Variants in MYRIP observed in about 807,000 individuals in gnomAD.
The protein encoded by MYRIP is rab effector MyRIP.
A neutral mutation model predicts 98.0 loss-of-function variants in MYRIP; 49 were observed. That is an observed-to-expected ratio of 0.50 (90% CI 0.40 to 0.63). The LOEUF (loss-of-function observed/expected upper bound fraction) is 0.63. MYRIP is among the 30% of genes least tolerant of loss of function. MYRIP has a pLI of 0.00. For missense variants in MYRIP, 1,004 were observed against 1,058.2 expected, an observed-to-expected ratio of 0.95 and a Z score of 0.71; for synonymous variants, 404 against 409.5, an observed-to-expected ratio of 0.99 and a Z score of 0.16.
chr3:39,810,062 G>A (rs1304003705), intron 1 of MYRIP, 146 bp downstream of exon 1: 1 of 152,424 alleles, frequency 6.6e-6, no homozygotes, highest in Non-Finnish European at 1.5e-5. Flanking sequence ...CCGGAGCCAG[G>A]AACCCTAGGC....
chr3:39,997,712 C>A (rs1315062988), intron 2 of MYRIP, among the ~76,000 whole-genome samples: 2 of 151,974 alleles, frequency 1.3e-5, no homozygotes, highest in Non-Finnish European at 2.9e-5. Flanking sequence ...GATACCAAAG[C>A]CTGGCAGAGA....
At chr3:40,205,875 A>G (rs1218481556) in intron 10 of MYRIP, among the ~76,000 whole-genome samples, 1 of 152,034 alleles carries the variant, frequency 6.6e-6, no homozygotes, top group East Asian at 1.9e-4. Context: ...GGCTTTAAAC[A>G]CAAACCTCCT....
At chr3:39,997,589 G>C (rs534478775) in intron 2 of MYRIP, among the ~76,000 whole-genome samples, 1 of 151,736 alleles carries the variant, frequency 6.6e-6, no homozygotes, top group Non-Finnish European at 1.5e-5. Context: ...ATTCACAGCC[G>C]AATTCTACCA....
chr3:39,970,982 A>G (rs1324772766), intron 2 of MYRIP, among the ~76,000 whole-genome samples: 1 of 152,158 alleles, frequency 6.6e-6, no homozygotes, highest in Non-Finnish European at 1.5e-5. Context: ...TATTTCATAC[A>G]TACGTGGGAG....
intron 4 of MYRIP, among the ~76,000 whole-genome samples, chr3:40,157,728 G>C (rs1220558618): frequency 4.6e-5 from 7 of 150,936 alleles, no homozygotes; most frequent in African/African-American, 1.2e-4. Context: ...TCTTGGGAGA[G>C]TGTATTTGTC....
intron 2 of MYRIP, among the ~76,000 whole-genome samples, chr3:40,038,198 A>G (rs1488913499): frequency 6.6e-6 from 1 of 152,198 alleles, no homozygotes; most frequent in Non-Finnish European, 1.5e-5. Flanking sequence ...AAAATATGTA[A>G]GAATAAATGA....
intron 2 of MYRIP, among the ~76,000 whole-genome samples, chr3:40,025,681 C>T (rs1314882470): frequency 4.6e-5 from 7 of 152,094 alleles, no homozygotes; most frequent in African/African-American, 1.7e-4. Flanking sequence ...AGAAATTTTA[C>T]AGCTGGGCCA....
intron 3 of MYRIP, among the ~76,000 whole-genome samples, chr3:40,084,324 G>T (rs1035625648): frequency 7.2e-4 from 42 of 58,422 alleles, no homozygotes; most frequent in African/African-American, 2.6e-3. Flanking sequence ...ATTATATATC[G>T]ATAGATAATA....
At chr3:40,065,020 C>A (rs1948097066) in intron 3 of MYRIP, among the ~76,000 whole-genome samples, 1 of 152,110 alleles carries the variant, frequency 6.6e-6, no homozygotes, top group South Asian at 2.1e-4. Flanking sequence ...TAATAAAGTA[C>A]CACAAACTGG....
chr3:39,913,772 A>T (rs1944083764), intron 2 of MYRIP, among the ~76,000 whole-genome samples: 2 of 152,232 alleles, frequency 1.3e-5, no homozygotes, highest in South Asian at 4.1e-4. Context: ...AGACTCTGTG[A>T]CTAAAAAATG....
At chr3:40,082,576 G>A (rs1948501610) in intron 3 of MYRIP, among the ~76,000 whole-genome samples, 1 of 152,134 alleles carries the variant, frequency 6.6e-6, no homozygotes, top group Non-Finnish European at 1.5e-5. Context: ...AGCATTTAGT[G>A]TTCTGTGTGC....
At chr3:40,080,867 ATGATGGATACCTAGCTTATTTAT>A in intron 3 of MYRIP, among the ~76,000 whole-genome samples, 1 of 114,790 alleles carries the variant, frequency 8.7e-6, no homozygotes, top group Middle Eastern at 6.7e-3. Context: ...CTAATTTCTG[ATGATGGATACCTAGCTTATTTAT>A]TTTCAGTCTT....
intron 7 of MYRIP, among the ~76,000 whole-genome samples, chr3:40,169,080 C>T (rs930692521): frequency 6.6e-6 from 1 of 152,146 alleles, no homozygotes. Context: ...ATGATCTCCC[C>T]CCATATACCC....
intron 2 of MYRIP, among the ~76,000 whole-genome samples, chr3:40,013,030 A>G (rs1575464210): frequency 1.3e-5 from 2 of 152,164 alleles, no homozygotes; most frequent in Middle Eastern, 6.8e-3. Context: ...TTACTGAGGG[A>G]GGAATTACAC....
intron 3 of MYRIP, among the ~76,000 whole-genome samples, chr3:40,129,637 A>C (rs1430725298): frequency 6.6e-6 from 1 of 151,972 alleles, no homozygotes; most frequent in African/African-American, 2.4e-5. Context: ...TCTGAGAACC[A>C]CACTGGGAAT....
chr3:39,880,526 A>G lies in MYRIP; in HGVS notation c.-30-20261A>G, dbSNP rs113498665. Among the ~76,000 whole-genome samples the G allele has an allele frequency of 1.1e-4, 17 of 152,374 alleles. 1 individual carries two copies. The highest frequency in any genetic ancestry group is 3.4e-4 in the African/African-American group (14 of 41,590). The stretch of plus-strand genomic sequence containing the variant: ...TTTATATTTCTTTCCAGTGAAAACA[A>G]TGCTGATGCTAAGAGGCCTCCCTGG... On this transcript the variant is annotated intron_variant, in intron 1 of 16. Transcript: ENST00000302541.
intron 13 of MYRIP, among the ~76,000 whole-genome samples, chr3:40,245,416 G>A (rs925959946): frequency 2.0e-5 from 3 of 152,016 alleles, no homozygotes; most frequent in East Asian, 1.9e-4. Context: ...TTGGGAGGCC[G>A]AGGCGGGTGG....
chr3:40,030,070 A>AAAGAAAGG (rs199908422), intron 2 of MYRIP, among the ~76,000 whole-genome samples: 2,720 of 151,748 alleles, frequency 0.018, 72 homozygotes, highest in African/African-American at 0.061. Context: ...TACAAGAAAG[A>AAAGAAAGG]AAAGAAAGGA....
intron 1 of MYRIP, among the ~76,000 whole-genome samples, chr3:39,860,990 C>A (rs903585498): frequency 2.0e-5 from 3 of 152,376 alleles, no homozygotes; most frequent in Admixed American, 1.3e-4. Context: ...TCTCAGCCAA[C>A]AAGCATGCGT....
Sources: gnomAD v4.1 joint callset for allele counts (sites outside exome capture counted in the v4.1 genomes callset) on GRCh38, gnomAD v4.1.1 for gene constraint, MANE v1.5 for transcripts, NCBI Gene and HGNC (gene_info 2026-07-23, HGNC 2026-07-21) for gene names.